ZFHX3: variants seen among roughly 807,000 people sequenced by gnomAD.
ZFHX3 encodes the protein zinc finger homeobox protein 3.
ZFHX3 carries 42 observed loss-of-function variants against 279.1 expected under a neutral mutation model. The observed-to-expected ratio is 0.15, with a 90% CI of 0.12 to 0.19. The LOEUF is 0.19. Among genes scored for constraint, ZFHX3 ranks in the 10% least tolerant of loss-of-function variants. The pLI is 1.00. For synonymous variants in ZFHX3, 2,293 were observed against 1,957.8 expected, an observed-to-expected ratio of 1.17 and a Z score of -4.52; for missense variants, 4,981 against 4,754.0, an observed-to-expected ratio of 1.05 and a Z score of -1.40.
At chr16:73,123,531 T>A (rs565831865) in intron 7 of ZFHX3, 1 of 151,406 alleles carries the variant, frequency 6.6e-6, no homozygotes, top group South Asian at 2.1e-4. Context: ...CACCTGACTG[T>A]AGCCACATAC....
At chr16:73,689,271 A>T (rs4888619) in intron 1 of ZFHX3, among the ~76,000 whole-genome samples, 38,058 of 152,092 alleles carry the variant, frequency 0.25, 4,864 homozygotes, top group Non-Finnish European at 0.26. Context: ...ATTTCACATT[A>T]TGCTCTGGGG....
At chr16:73,054,299 G>C (rs1398332856) in intron 1 of ZFHX3, among the ~76,000 whole-genome samples, 1 of 152,112 alleles carries the variant, frequency 6.6e-6, no homozygotes, top group African/African-American at 2.4e-5. Context: ...CTGAAAGTGG[G>C]CTCGCAGGGG....
At chr16:72,856,568 T>G (rs1011454074) in intron 4 of ZFHX3, among the ~76,000 whole-genome samples, 23 of 152,170 alleles carry the variant, frequency 1.5e-4, no homozygotes, top group Admixed American at 1.4e-3. Context: ...TTACACCACC[T>G]GGAGACAGCT....
chr16:73,863,101 G>T (rs1961924011), intron 1 of ZFHX3, among the ~76,000 whole-genome samples: 1 of 152,182 alleles, frequency 6.6e-6, no homozygotes, highest in African/African-American at 2.4e-5. Context: ...AGACACTCAG[G>T]AGGCTGAAGC....
At chr16:72,847,886 C>T (rs1400018599) in intron 4 of ZFHX3, among the ~76,000 whole-genome samples, 1 of 151,924 alleles carries the variant, frequency 6.6e-6, no homozygotes, top group African/African-American at 2.4e-5. Flanking sequence ...ATCTGAAGCC[C>T]GAGGGGGAGG....
At chr16:72,931,482 G>A (rs1357256475) in intron 3 of ZFHX3, among the ~76,000 whole-genome samples, 2 of 149,664 alleles carry the variant, frequency 1.3e-5, no homozygotes, top group South Asian at 2.1e-4. Flanking sequence ...AGAGGTCGGG[G>A]GAAGGGAGAA....
chr16:73,656,288 C>G (rs945925519), intron 2 of ZFHX3, among the ~76,000 whole-genome samples: 24 of 152,200 alleles, frequency 1.6e-4, no homozygotes, highest in African/African-American at 5.8e-4. Context: ...CAACTCCTAA[C>G]TTAAATGAAT....
At chr16:73,635,588 C>T (rs943219856) in intron 2 of ZFHX3, among the ~76,000 whole-genome samples, 74 of 152,184 alleles carry the variant, frequency 4.9e-4, no homozygotes, top group African/African-American at 1.7e-3. Context: ...CTCTTTTTCC[C>T]TATTCTCCTT....
intron 3 of ZFHX3, among the ~76,000 whole-genome samples, chr16:73,426,243 G>A (rs1345485404): frequency 1.3e-5 from 2 of 152,156 alleles, no homozygotes; most frequent in African/African-American, 2.4e-5. Context: ...CATTATATAT[G>A]GCCAAAAGCA....
chr16:73,031,735 G>A (rs1964708845), intron 1 of ZFHX3, among the ~76,000 whole-genome samples: 1 of 152,172 alleles, frequency 6.6e-6, no homozygotes, highest in African/African-American at 2.4e-5. Flanking sequence ...GGGCGTGCAG[G>A]GCGGAAGATC....
intron 1 of ZFHX3, among the ~76,000 whole-genome samples, chr16:73,702,095 G>A (rs2053254105): frequency 6.6e-6 from 1 of 152,084 alleles, no homozygotes; most frequent in African/African-American, 2.4e-5. Context: ...AGAGTGCAGT[G>A]TTGCCGTGAG....
Position 73,490,189 on chromosome 16 carries a change from G to A in ZFHX3, c.-1546-33931C>T, listed in dbSNP as rs992696990. ...CACTGACAGTTTTATCAAGAATTCC[G>A]CTGCAGCTCAGAATGGAGGAATAAC... On this transcript the variant is annotated intron_variant, in intron 2 of 17. Coordinates refer to the ZFHX3 transcript ENST00000641206. 5.9e-5 allele frequency among the ~76,000 whole-genome samples: 9 copies of A among 152,074 alleles called. 1 individual carries two copies. Among genetic ancestry groups the A allele is most frequent in the African/African-American group, 1.9e-4 (8 of 41,388 alleles).
At chr16:72,986,967 G>A (rs559982949) in intron 1 of ZFHX3, among the ~76,000 whole-genome samples, 78 of 152,222 alleles carry the variant, frequency 5.1e-4, no homozygotes, top group African/African-American at 1.6e-3. Flanking sequence ...GTAACACGAC[G>A]AAAACAAAAC....
intron 3 of ZFHX3, among the ~76,000 whole-genome samples, chr16:73,429,597 T>C (rs886187619): frequency 6.6e-6 from 1 of 151,950 alleles, no homozygotes; most frequent in African/African-American, 2.4e-5. Context: ...CCTCCCAAAG[T>C]GCTGGGATCA....
intron 2 of ZFHX3, among the ~76,000 whole-genome samples, chr16:73,467,168 A>G (rs973258928): frequency 6.6e-6 from 1 of 152,216 alleles, no homozygotes. Context: ...GGGATGAATC[A>G]GGAGTCAGGA....
Position 72,999,905 on chromosome 16 carries a change from G to C in ZFHX3, c.-49-39711C>G, listed in dbSNP as rs576676028. Among the ~76,000 whole-genome samples the C allele has an allele frequency of 3.3e-5, 5 of 152,334 alleles. No homozygotes were observed. In the East Asian group the frequency reaches 5.8e-4, roughly 18 times the overall value. ...CTGCAGGCTCATCCATCCAGATTCA[G>C]CTCTAAGAGCAGGGCAACCCGGGGA... On this transcript the variant is annotated intron_variant, in intron 1 of 9. Transcript: ENST00000268489.
At chr16:73,715,892 C>G (rs2053410007) in intron 1 of ZFHX3, among the ~76,000 whole-genome samples, 1 of 152,098 alleles carries the variant, frequency 6.6e-6, no homozygotes, top group African/African-American at 2.4e-5. Context: ...CTTTAAAGCT[C>G]TAGGTCTCCT....
intron 2 of ZFHX3, among the ~76,000 whole-genome samples, chr16:73,531,714 C>CTAA (rs2019806501): frequency 1.2e-5 from 1 of 81,146 alleles, no homozygotes; most frequent in South Asian, 4.3e-4. Flanking sequence ...AACCCTGTCT[C>CTAA]AAAAAAAAAA....
chr16:73,137,150 A>G (rs1339924524), intron 6 of ZFHX3: 1 of 152,180 alleles, frequency 6.6e-6, no homozygotes, highest in Non-Finnish European at 1.5e-5. Context: ...AGCTGATGAG[A>G]TCGATACTGC....
Sources: allele counts gnomAD v4.1 joint callset (sites outside exome capture counted in the v4.1 genomes callset), GRCh38; gene constraint gnomAD v4.1.1; transcripts MANE v1.5; gene names NCBI Gene and HGNC (gene_info 2026-07-23, HGNC 2026-07-21).